SLC68A1: variants seen among roughly 807,000 people sequenced by gnomAD.
The protein encoded by SLC68A1 is major facilitator superfamily domain containing 13A.
At chr10:102,469,088 G>A in the SLC68A1 span, 1 of 1,614,096 alleles carries the variant, frequency 6.2e-7, no homozygotes, top group African/African-American at 1.3e-5. Context: ...GTGGTCTATG[G>A]CTCCCTGGCT....
the SLC68A1 span, among the ~76,000 whole-genome samples, chr10:102,461,689 G>A: frequency 6.6e-6 from 1 of 152,182 alleles, no homozygotes; most frequent in Non-Finnish European, 1.5e-5. Context: ...GCTCTCCGGG[G>A]GTCTGGAGGA....
the SLC68A1 span, chr10:102,468,739 G>A: frequency 3.7e-5 from 11 of 299,084 alleles, no homozygotes; most frequent in East Asian, 6.0e-4. Context: ...GGTGTCTGCC[G>A]TCTCTTCCCA....
chr10:102,475,815 C>T, the SLC68A1 span: 82 of 1,614,072 alleles, frequency 5.1e-5, 1 homozygote, highest in South Asian at 4.9e-4. Context: ...CAGGCCCCGA[C>T]GCTCCGCCAG....
chr10:102,469,211 T>G, the SLC68A1 span: 1 of 1,612,180 alleles, frequency 6.2e-7, no homozygotes, highest in Non-Finnish European at 8.5e-7. Flanking sequence ...GGGCCAGTGC[T>G]GGGTGGCTAA....
chr10:102,475,809 C>A, the SLC68A1 span: 4 of 1,614,046 alleles, frequency 2.5e-6, no homozygotes, highest in Non-Finnish European at 8.5e-7. Flanking sequence ...CCTGCACAGG[C>A]CCCGACGCTC....
chr10:102,473,421 C>T, the SLC68A1 span: 1 of 815,960 alleles, frequency 1.2e-6, no homozygotes, highest in Non-Finnish European at 1.9e-6. Flanking sequence ...CCTTAAGGGG[C>T]TGTGAAGATG....
chr10:102,469,871 C>T, the SLC68A1 span: 2 of 1,449,786 alleles, frequency 1.4e-6, no homozygotes, highest in Non-Finnish European at 1.8e-6. Context: ...CTGACACCAG[C>T]AAAGGTTTGC....
the SLC68A1 span, among the ~76,000 whole-genome samples, chr10:102,464,927 T>A: frequency 6.6e-6 from 1 of 151,962 alleles, no homozygotes; most frequent in Non-Finnish European, 1.5e-5. Context: ...AAGACCAGCC[T>A]GGCCAATATG....
chr10:102,461,640 C>T, the SLC68A1 span, among the ~76,000 whole-genome samples: 1 of 150,822 alleles, frequency 6.6e-6, no homozygotes, highest in Non-Finnish European at 1.5e-5. Context: ...GCGGAAGAAG[C>T]GGGGTTCAAG....
At chr10:102,476,094 G>A in the SLC68A1 span, 5 of 1,167,022 alleles carry the variant, frequency 4.3e-6, no homozygotes, top group African/African-American at 2.9e-5. Flanking sequence ...TTTTTTTTTT[G>A]GAGCTGTTGC....
At chr10:102,468,872 G>A in the SLC68A1 span, 12 of 613,050 alleles carry the variant, frequency 2.0e-5, no homozygotes, top group Non-Finnish European at 3.4e-5. Flanking sequence ...TGTTGGAAAT[G>A]AGTTTTTAAA....
the SLC68A1 span, among the ~76,000 whole-genome samples, chr10:102,475,284 A>C: frequency 9.4e-5 from 13 of 138,660 alleles, no homozygotes; most frequent in Non-Finnish European, 1.6e-4. Flanking sequence ...TGACAGAGCG[A>C]GACTCCCTCT....
the SLC68A1 span, chr10:102,472,102 G>T: frequency 1.1e-5 from 5 of 450,418 alleles, no homozygotes; most frequent in East Asian, 3.5e-4. Context: ...GTTCGAGGCT[G>T]CAATGAGTTA....
At chr10:102,469,938 G>T in the SLC68A1 span, 4 of 1,590,172 alleles carry the variant, frequency 2.5e-6, no homozygotes, top group Non-Finnish European at 2.6e-6. Flanking sequence ...GGGGGGAGGA[G>T]CCCTGGAGAG....
At chr10:102,470,968 CAAG>C in the SLC68A1 span, 340 of 1,613,332 alleles carry the variant, frequency 2.1e-4, 1 homozygote, top group East Asian at 7.4e-3. Context: ...CCTTTTGGAA[CAAG>C]GAGGATTTCT....
the SLC68A1 span, chr10:102,469,230 A>C: frequency 6.1e-6 from 9 of 1,479,488 alleles, no homozygotes; most frequent in East Asian, 2.3e-5. Context: ...AACATGGAGG[A>C]GGGGGTGGGG....
At chr10:102,465,604 G>A in the SLC68A1 span, among the ~76,000 whole-genome samples, 1 of 152,140 alleles carries the variant, frequency 6.6e-6, no homozygotes, top group Non-Finnish European at 1.5e-5. Context: ...GCCACCAGCT[G>A]GGACCATGAG....
chr10:102,475,136 A>T, the SLC68A1 span, among the ~76,000 whole-genome samples: 1 of 152,098 alleles, frequency 6.6e-6, no homozygotes, highest in Non-Finnish European at 1.5e-5. Context: ...CTCTACTAAA[A>T]AATACAAAAA....
chr10:102,471,763 A>G, the SLC68A1 span, among the ~76,000 whole-genome samples: 2 of 39,588 alleles, frequency 5.1e-5, no homozygotes, highest in African/African-American at 1.4e-4. Context: ...CTTCTCAAAG[A>G]AAAAAAAAAA....
Sources: gnomAD v4.1 joint callset for allele counts (sites outside exome capture counted in the v4.1 genomes callset) on GRCh38, gnomAD v4.1.1 for gene constraint, MANE v1.5 for transcripts, NCBI Gene and HGNC (gene_info 2026-07-23, HGNC 2026-07-21) for gene names.